Variants in PTPRD observed in about 807,000 individuals in gnomAD.
PTPRD encodes the protein receptor-type tyrosine-protein phosphatase delta.
PTPRD carries 34 observed loss-of-function variants against 214.5 expected under a neutral mutation model. The ratio of observed to expected loss-of-function variants is 0.16; its 90% CI spans 0.12 to 0.21. The LOEUF (loss-of-function observed/expected upper bound fraction) is 0.21, where lower values mean the gene tolerates loss of function less well. Ranked by LOEUF, PTPRD falls within the 10% of genes least tolerant of loss-of-function variation. The probability of loss-of-function intolerance (pLI) is 1.00; values close to 1 mark genes in which losing one functional copy is unlikely to be tolerated. For synonymous variants in PTPRD, 1,128 were observed against 845.7 expected (o/e 1.33, Z -5.79); for missense variants, 2,545 against 2,398.7 (o/e 1.06, Z -1.27).
At chr9:9,369,353 T>C (rs917121802) in intron 9 of PTPRD, among the ~76,000 whole-genome samples, 4 of 152,154 alleles carry the variant, frequency 2.6e-5, no homozygotes, top group Non-Finnish European at 5.9e-5. Flanking sequence ...ATTTCTCTGA[T>C]GGCCAGAGAT....
intron 2 of PTPRD, among the ~76,000 whole-genome samples, chr9:10,608,085 C>T (rs2079958694): frequency 6.6e-6 from 1 of 151,776 alleles, no homozygotes; most frequent in Admixed American, 6.6e-5. Context: ...ATAATTTTTT[C>T]TATGGTTCTT....
At chr9:10,296,627 G>C (rs1030004796) in intron 3 of PTPRD, among the ~76,000 whole-genome samples, 1 of 151,986 alleles carries the variant, frequency 6.6e-6, no homozygotes, top group Non-Finnish European at 1.5e-5. Context: ...GTCATTGGCT[G>C]TCTGTGCAGT....
chr9:9,329,624 G>A (rs2041548478), intron 9 of PTPRD, among the ~76,000 whole-genome samples: 2 of 152,112 alleles, frequency 1.3e-5, no homozygotes, highest in African/African-American at 4.8e-5. Context: ...TTCTGTTAGA[G>A]AATGTCCCAA....
At chr9:9,981,776 C>G (rs1340627087) in intron 4 of PTPRD, among the ~76,000 whole-genome samples, 1 of 152,100 alleles carries the variant, frequency 6.6e-6, no homozygotes, top group Non-Finnish European at 1.5e-5. Context: ...CGCTTTTTGA[C>G]TCGTATCATA....
At chr9:10,234,546 T>G (rs2099622798) in intron 3 of PTPRD, among the ~76,000 whole-genome samples, 1 of 151,876 alleles carries the variant, frequency 6.6e-6, no homozygotes, top group South Asian at 2.1e-4. Flanking sequence ...AGTAAGAAAT[T>G]TAACAACCAA....
At chr9:9,818,054 C>A (rs1159390067) in intron 5 of PTPRD, among the ~76,000 whole-genome samples, 1 of 152,180 alleles carries the variant, frequency 6.6e-6, no homozygotes, top group Non-Finnish European at 1.5e-5. Flanking sequence ...TTGGTTCTCT[C>A]ACAGTGGCTT....
intron 9 of PTPRD, among the ~76,000 whole-genome samples, chr9:9,276,840 T>G (rs373630507): frequency 7.3e-5 from 11 of 151,456 alleles, no homozygotes; most frequent in African/African-American, 1.9e-4. Context: ...AAGTCAATAT[T>G]TTATTGCCAT....
At chr9:8,699,394 A>C (rs1485037022) in intron 12 of PTPRD, among the ~76,000 whole-genome samples, 1 of 152,200 alleles carries the variant, frequency 6.6e-6, no homozygotes, top group African/African-American at 2.4e-5. Context: ...AAATAATGTA[A>C]ATACATGGTA....
intron 7 of PTPRD, among the ~76,000 whole-genome samples, chr9:9,635,679 C>T (rs1424393426): frequency 6.6e-6 from 1 of 152,184 alleles, no homozygotes; most frequent in Non-Finnish European, 1.5e-5. Flanking sequence ...AGAGTCTCAA[C>T]ATGGTTCATT....
chr9:8,563,377 C>T (rs991644500), intron 14 of PTPRD, among the ~76,000 whole-genome samples: 1 of 150,770 alleles, frequency 6.6e-6, no homozygotes, highest in African/African-American at 2.4e-5. Flanking sequence ...AGTATCTATA[C>T]ATATATACAC....
chr9:9,319,539 G>A (rs1212861692), intron 9 of PTPRD, among the ~76,000 whole-genome samples: 3 of 152,050 alleles, frequency 2.0e-5, no homozygotes, highest in East Asian at 1.9e-4. Context: ...TTATACAATC[G>A]GCTTTGTAAA....
At chr9:9,457,101 G>C (rs368102681) in intron 8 of PTPRD, among the ~76,000 whole-genome samples, 1 of 151,868 alleles carries the variant, frequency 6.6e-6, no homozygotes, top group African/African-American at 2.4e-5. Context: ...GACAGCAATA[G>C]GGTAGTGAGT....
chr9:9,759,924 A>G (rs2098636427), intron 6 of PTPRD, among the ~76,000 whole-genome samples: 1 of 152,026 alleles, frequency 6.6e-6, no homozygotes, highest in African/African-American at 2.4e-5. Context: ...AATATGCTCT[A>G]TTCTTTCTAT....
At chr9:10,583,478 G>A (rs966170304) in intron 2 of PTPRD, among the ~76,000 whole-genome samples, 3 of 149,942 alleles carry the variant, frequency 2.0e-5, no homozygotes, top group African/African-American at 7.4e-5. Flanking sequence ...TTTAGACGGA[G>A]TCTCGCCCTG....
At chr9:10,042,634 A>G (rs1434844630) in intron 3 of PTPRD, among the ~76,000 whole-genome samples, 1 of 151,916 alleles carries the variant, frequency 6.6e-6, no homozygotes, top group Non-Finnish European at 1.5e-5. Context: ...GATGATGCTG[A>G]TTGTGGAAGG....
At chr9:8,333,563 A>G (rs1192095232) in intron 43 of PTPRD, among the ~76,000 whole-genome samples, 1 of 152,176 alleles carries the variant, frequency 6.6e-6, no homozygotes, top group African/African-American at 2.4e-5. Flanking sequence ...AGCACTAAAC[A>G]TGGAAAGGAA....
chr9:9,304,156 T>C (rs558467223), intron 9 of PTPRD, among the ~76,000 whole-genome samples: 1 of 152,210 alleles, frequency 6.6e-6, no homozygotes, highest in East Asian at 1.9e-4. Context: ...GAGCTTAGAA[T>C]CTAAAAAGAA....
At chr9:10,337,810 A>T (rs887516194) in intron 3 of PTPRD, among the ~76,000 whole-genome samples, 1 of 151,820 alleles carries the variant, frequency 6.6e-6, no homozygotes, top group South Asian at 2.1e-4. Context: ...TCAAGATTAT[A>T]CAAATAGCAA....
chr9:9,600,539 G>T (rs1173872002), intron 7 of PTPRD, among the ~76,000 whole-genome samples: 2 of 152,008 alleles, frequency 1.3e-5, no homozygotes, highest in African/African-American at 4.8e-5. Context: ...GTCTTACGAG[G>T]TGTGTGGTGT....
Sources: allele counts gnomAD v4.1 joint callset (sites outside exome capture counted in the v4.1 genomes callset), GRCh38; gene constraint gnomAD v4.1.1; transcripts MANE v1.5; gene names NCBI Gene and HGNC (gene_info 2026-07-23, HGNC 2026-07-21).